Variants in MOB1B observed in about 807,000 individuals in gnomAD.
The protein encoded by MOB1B is MOB kinase activator 1B, also known as MOB1 Mps One Binder homolog B.
Under a neutral mutation model 24.4 loss-of-function variants are expected in MOB1B, and 19 were observed. That is an observed-to-expected ratio of 0.78 (90% CI 0.54 to 1.14). The LOEUF (loss-of-function observed/expected upper bound fraction) is 1.14, where lower values mean the gene tolerates loss of function less well. MOB1B is among the 50% of genes most tolerant of loss of function. The pLI is 0.00. For missense variants in MOB1B, 243 were observed against 259.6 expected, an observed-to-expected ratio of 0.94 and a Z score of 0.44; for synonymous variants, 76 against 82.1, an observed-to-expected ratio of 0.93 and a Z score of 0.40.
At chr4:70,919,076 C>T (rs1258310904) in intron 1 of MOB1B, among the ~76,000 whole-genome samples, 3 of 151,130 alleles carry the variant, frequency 2.0e-5, no homozygotes, top group African/African-American at 7.3e-5. Context: ...CCAAACACTG[C>T]ATATTCTCAC....
At chr4:70,938,855 A>G (rs1333174798) in intron 1 of MOB1B, among the ~76,000 whole-genome samples, 1 of 148,264 alleles carries the variant, frequency 6.7e-6, no homozygotes, top group African/African-American at 2.5e-5. Flanking sequence ...TTGGCTCACC[A>G]CAGCCTCTAC....
intron 1 of MOB1B, among the ~76,000 whole-genome samples, chr4:70,934,032 A>G (rs1436136115): frequency 2.0e-5 from 3 of 152,054 alleles, no homozygotes; most frequent in African/African-American, 7.3e-5. Context: ...TACAAAGAAG[A>G]AAAAAAGTTT....
chr4:70,954,039 G>T (rs890934173), intron 1 of MOB1B, among the ~76,000 whole-genome samples: 1 of 152,030 alleles, frequency 6.6e-6, no homozygotes, highest in African/African-American at 2.4e-5. Flanking sequence ...AAGATGGCCT[G>T]AACCTTTCAG....
Position 70,902,475 on chromosome 4 carries a change from C to T in MOB1B, c.-62C>T. 6.5e-7 allele frequency: 1 copy of T among 1,539,536 alleles called. No individual in the cohort carries two copies. The highest frequency in any genetic ancestry group is 8.8e-7 in the Non-Finnish European group (1 of 1,136,548). ...GTTCCATTCGCCTTTCCTCTTCTTT[C>T]CTGGCCCACGCCGCTCCGAGGCCTC... On this transcript the variant is annotated 5_prime_UTR_variant, in exon 1 of 6. Coordinates refer to ENST00000309395, the MANE Select transcript of MOB1B (RefSeq NM_173468.4).
Position 70,970,013 on chromosome 4 carries a change from A to G in MOB1B, c.264A>G (p.Ser88=). 1.9e-6 allele frequency: 3 copies of G among 1,576,866 alleles called. No individual in the cohort carries two copies. The highest frequency in any genetic ancestry group is 2.6e-6 in the Non-Finnish European group (3 of 1,153,308). ...CAGAAGAGAGTTGTCCAGTGATGTCAGCTGGCCCAAAGTAAGACATAGTTA... is the reference window on the plus strand; with the variant it reads ...CAGAAGAGAGTTGTCCAGTGATGTCGGCTGGCCCAAAGTAAGACATAGTTA... ...FCTEESCPVM[S]AGPKYEYHWA... Residue 88 remains serine, a synonymous_variant, in exon 3 of 6, where the codon TCA becomes TCG. Coordinates refer to ENST00000309395, the MANE Select transcript of MOB1B (RefSeq NM_173468.4).
intron 4 of MOB1B, chr4:70,975,873 CTATTT>C (rs1253223569): frequency 2.5e-5 from 21 of 841,398 alleles, no homozygotes; most frequent in African/African-American, 1.1e-4. Flanking sequence ...GGTAAACCCT[CTATTT>C]TATTTTATTT....
intron 1 of MOB1B, among the ~76,000 whole-genome samples, chr4:70,944,290 C>T (rs1237831114): frequency 6.6e-6 from 1 of 152,254 alleles, no homozygotes; most frequent in Non-Finnish European, 1.5e-5. Flanking sequence ...GCGCCTTGGC[C>T]TCCCAAAGTG....
chr4:70,973,631 T>C (rs1738860209), intron 3 of MOB1B, among the ~76,000 whole-genome samples: 1 of 152,208 alleles, frequency 6.6e-6, no homozygotes, highest in South Asian at 2.1e-4. Flanking sequence ...TGATTTTGAC[T>C]GTGAAAGTGA....
At chr4:70,906,525 G>A (rs1735756898) in intron 1 of MOB1B, among the ~76,000 whole-genome samples, 1 of 152,204 alleles carries the variant, frequency 6.6e-6, no homozygotes, top group Non-Finnish European at 1.5e-5. Context: ...TAGTATGGCG[G>A]AAGGTTGTAA....
intron 1 of MOB1B, among the ~76,000 whole-genome samples, chr4:70,920,143 G>A (rs780275635): frequency 4.0e-5 from 6 of 151,896 alleles, no homozygotes; most frequent in Non-Finnish European, 8.8e-5. Context: ...AATTACTCAA[G>A]TCACATGAAC....
intron 1 of MOB1B, among the ~76,000 whole-genome samples, chr4:70,951,020 G>A (rs1737781221): frequency 6.6e-6 from 1 of 152,050 alleles, no homozygotes; most frequent in African/African-American, 2.4e-5. Flanking sequence ...TGGAGCTGTT[G>A]GCACAAATAC....
chr4:70,902,437 C>T lies in MOB1B; in HGVS notation c.-100C>T. On this transcript the variant is annotated 5_prime_UTR_variant, in exon 1 of 6. Transcript: ENST00000309395. ...CGGCTCTCGGCACCTCCTCCTCCGC[C>T]TCCCTGTCTCCTGTTCCATTCGCCT... The T allele has an allele frequency of 3.0e-6, 4 of 1,326,692 alleles. No homozygotes were observed. Among genetic ancestry groups the T allele is most frequent in the Non-Finnish European group, 4.2e-6 (4 of 943,362 alleles). 82.2% of individuals were successfully genotyped at this position (1,326,692 alleles called of 1,614,324 possible). A position where few individuals can be genotyped will look rare whatever the true frequency, so the allele number is the denominator to read the frequency against.
intron 1 of MOB1B, among the ~76,000 whole-genome samples, chr4:70,927,558 G>A (rs908236197): frequency 7.3e-5 from 11 of 151,696 alleles, no homozygotes; most frequent in East Asian, 3.9e-4. Context: ...AAAAATTGCC[G>A]TCAATACCAC....
chr4:70,981,299 C>A (rs1739204016), intron 5 of MOB1B, among the ~76,000 whole-genome samples: 1 of 152,106 alleles, frequency 6.6e-6, no homozygotes, highest in Non-Finnish European at 1.5e-5. Context: ...GAATGCCTTA[C>A]CATGGCAGAA....
chr4:70,955,762 C>T (rs144626126), intron 1 of MOB1B, among the ~76,000 whole-genome samples: 1,848 of 151,618 alleles, frequency 0.012, 30 homozygotes, highest in African/African-American at 0.042. Context: ...GGAGCCACTG[C>T]GCCCAGTGAA....
At chr4:70,908,508 C>T (rs1735845605) in intron 1 of MOB1B, among the ~76,000 whole-genome samples, 1 of 151,652 alleles carries the variant, frequency 6.6e-6, no homozygotes, top group East Asian at 2.0e-4. Context: ...GGCACGGTGG[C>T]TCATGCCTGT....
intron 5 of MOB1B, among the ~76,000 whole-genome samples, chr4:70,980,578 G>T (rs149332484): frequency 6.6e-6 from 1 of 152,102 alleles, no homozygotes; most frequent in African/African-American, 2.4e-5. Context: ...CCTGCCTTGG[G>T]CCCCACAATT....
At chr4:70,977,158 G>A (rs1237568647) in intron 4 of MOB1B, among the ~76,000 whole-genome samples, 1 of 151,978 alleles carries the variant, frequency 6.6e-6, no homozygotes, top group Non-Finnish European at 1.5e-5. Flanking sequence ...TCTCATTTGG[G>A]CTTTTCAGGT....
rs928404900 is a variant in MOB1B at position 70,907,425 on chromosome 4, G to GA, written c.14+4886dup. On this transcript the variant is annotated intron_variant, in intron 1 of 5. Transcript: ENST00000309395. ...GGTCTCTTTTGACTAATGGAATTCTGAAAAAAAAAAATTTGACTTGGAAAA... is the reference window on the plus strand; with the variant it reads ...GGTCTCTTTTGACTAATGGAATTCTGAAAAAAAAAAAATTTGACTTGGAAAA... 7.9e-4 allele frequency among the ~76,000 whole-genome samples: 116 copies of GA among 147,088 alleles called. No individual in the cohort carries two copies. In the Middle Eastern group the frequency reaches 0.01, roughly 13 times the overall value.
Sources: allele counts gnomAD v4.1 joint callset (sites outside exome capture counted in the v4.1 genomes callset), GRCh38; gene constraint gnomAD v4.1.1; transcripts MANE v1.5; gene names NCBI Gene and HGNC (gene_info 2026-07-23, HGNC 2026-07-21).